MAP3K4: variants seen among roughly 807,000 people sequenced by gnomAD.
MAP3K4 encodes mitogen-activated protein kinase kinase kinase 4, also known as MAP three kinase 1.
In MAP3K4, 67 loss-of-function variants were observed where a neutral mutation model predicts 185.6. That is an observed-to-expected ratio of 0.36 (90% CI 0.30 to 0.44). The LOEUF (loss-of-function observed/expected upper bound fraction) is 0.44. Among genes scored for constraint, MAP3K4 ranks in the 20% least tolerant of loss-of-function variants. MAP3K4 has a pLI of 1.00. For missense variants in MAP3K4, 1,551 were observed against 1,995.1 expected (o/e 0.78, Z 4.24); for synonymous variants, 702 against 710.4 (o/e 0.99, Z 0.19).
rs1217097625 is a variant in MAP3K4, at chr6:161,103,076, A to G, written c.3856+297A>G. On this transcript the variant is annotated intron_variant, in intron 19 of 26. Transcript: ENST00000392142. This position sits in a 1 kb window ranked among gnomAD's most constrained non-coding sequence, Gnocchi z 4.6. ...TGTCCATGGTAGGAGTATAATAAAC[A>G]TTTGTGAAATAACCATTCATAAATT... Among the ~76,000 whole-genome samples the G allele has an allele frequency of 2.6e-5, 4 of 152,256 alleles. No homozygotes were observed. The highest frequency in any genetic ancestry group is 2.9e-5 in the Non-Finnish European group (2 of 68,050).
rs1431986189 is a variant in MAP3K4 at position 161,008,360 on chromosome 6, T to C, written c.152+16277T>C. Among the ~76,000 whole-genome samples the C allele has an allele frequency of 1.3e-5, 2 of 152,188 alleles. No homozygotes were observed. Among genetic ancestry groups the C allele is most frequent in the Non-Finnish European group, 2.9e-5 (2 of 68,020 alleles). On this transcript the variant is annotated intron_variant, in intron 1 of 26. Coordinates refer to ENST00000392142, the MANE Select transcript of MAP3K4 (RefSeq NM_005922.4). This position sits in a 1 kb window ranked among gnomAD's most constrained non-coding sequence, Gnocchi z 4.1. ...GTCTAGTCAAGATGTTTTATTAGAG[T>C]AAAATCCTGGAAATATAATTACTAT... is the stretch of plus-strand genomic sequence containing the variant.
Position 160,996,075 on chromosome 6 carries a change from G to A in MAP3K4, c.152+3992G>A, listed in dbSNP as rs142987543. On this transcript the variant is annotated intron_variant, in intron 1 of 26. Coordinates refer to ENST00000392142, the MANE Select transcript of MAP3K4 (RefSeq NM_005922.4). The surrounding 1 kb of genome is among the most constrained non-coding windows in gnomAD (Gnocchi z 4.5). ...TCCTAGGCAATTTGCTCTGCCTCTC[G>A]GCTTGAATGTCCACCTTGAGCCTGT... Among the ~76,000 whole-genome samples, 7 of 152,102 alleles carry A rather than the reference G, an allele frequency of 4.6e-5. No individual in the cohort carries two copies. The East Asian group carries it at 1.2e-3, about 25-fold the overall frequency.
rs768064802 is a variant in MAP3K4, at chr6:161,008,815, A to G, written c.152+16732A>G. Among the ~76,000 whole-genome samples, 8 of 152,010 alleles carry G rather than the reference A, an allele frequency of 5.3e-5. No individual in the cohort carries two copies. Among genetic ancestry groups the G allele is most frequent in the East Asian group, 1.9e-4 (1 of 5,186 alleles). ...TTTACATCTACTACTTTCACTCAGCATGGTGCTTGTGAGGTTCATCTATGT... is the reference window on the plus strand; with the variant it reads ...TTTACATCTACTACTTTCACTCAGCGTGGTGCTTGTGAGGTTCATCTATGT... On this transcript the variant is annotated intron_variant, in intron 1 of 26. Transcript: ENST00000392142. This position sits in a 1 kb window ranked among gnomAD's most constrained non-coding sequence, Gnocchi z 4.1.
Position 161,115,188 on chromosome 6 carries a change from A to T in MAP3K4, c.4692A>T (p.Pro1564=). 6.2e-7 allele frequency: 1 copy of T among 1,614,176 alleles called. No homozygotes were observed. The highest frequency in any genetic ancestry group is 1.1e-5 in the South Asian group (1 of 91,082). The change falls in exon 26 of 27, where the codon CCA becomes CCT. Residue 1564 remains proline (P), a synonymous_variant. Coordinates refer to ENST00000392142, the MANE Select transcript of MAP3K4 (RefSeq NM_005922.4). The surrounding 1 kb of genome is among the most constrained non-coding windows in gnomAD (Gnocchi z 6.0). ...ATAAAGTGGGGATGGGACATAAGCC[A>T]CCAATCCCTGAAAGATTAAGCCCTG... ...IMYKVGMGHK[P]PIPERLSPEG...
intron 1 of MAP3K4, among the ~76,000 whole-genome samples, chr6:161,005,538 G>A (rs1291543706): frequency 3.9e-5 from 6 of 152,076 alleles, no homozygotes; most frequent in African/African-American, 1.4e-4. Flanking sequence ...AGTATCAGAA[G>A]TTTTAAATTA....
chr6:161,049,030 C>G lies in MAP3K4; in HGVS notation c.758C>G (p.Ser253Cys). ...DREQRGQENT[S>C]GFWLNRSNEL... is the part of the protein sequence containing the mutation. ...GAGCAAAGAGGACAAGAAAATACGT[C>G]TGGTTTCTGGCTTAACCGATCTAAC... The change falls in exon 3 of 27, where the codon TCT (serine) becomes TGT (cysteine). Residue 253 changes from serine (S) to cysteine (C), a missense_variant. Physicochemically the swap from Ser to Cys is moderately radical, Grantham distance 112 (BLOSUM62 -1). This residue lies in a region of MAP3K4 where 69 missense variants were observed against 124.8 expected (regional missense o/e 0.55). Transcript: ENST00000392142. The surrounding 1 kb of genome is among the most constrained non-coding windows in gnomAD (Gnocchi z 8.4). 6.2e-7 allele frequency: 1 copy of G among 1,614,058 alleles called. No individual in the cohort carries two copies. Among genetic ancestry groups the G allele is most frequent in the Non-Finnish European group, 8.5e-7 (1 of 1,179,934 alleles).
In MAP3K4 at chr6:161,017,262, T is replaced by C. The variant is rs1333733521; in HGVS notation, c.153-16997T>C. The stretch of plus-strand genomic sequence containing the variant: ...ATTGAGTGTTTCCTGTCTTAATTAG[T>C]ATATTAGAATTTTTATTTCGATGAT... On this transcript the variant is annotated intron_variant, in intron 1 of 26. Coordinates refer to ENST00000392142, the MANE Select transcript of MAP3K4 (RefSeq NM_005922.4). The surrounding 1 kb of genome is among the most constrained non-coding windows in gnomAD (Gnocchi z 5.1). Among the ~76,000 whole-genome samples the C allele has an allele frequency of 6.6e-6, 1 of 152,136 alleles. No homozygotes were observed.
At position 161,115,347 on chromosome 6, in the gene MAP3K4, A is replaced by G; in HGVS notation, c.4806+45A>G. The G allele has an allele frequency of 1.3e-6, 2 of 1,540,558 alleles. No individual in the cohort carries two copies. Among genetic ancestry groups the G allele is most frequent in the Non-Finnish European group, 1.8e-6 (2 of 1,136,540 alleles). Reference sequence around the variant, plus strand: ...AGTCTTTTTCATGTTTAAGTGTTTAAGTTCTGTTTTGCATCAAGACGTTAA... The same window carrying G: ...AGTCTTTTTCATGTTTAAGTGTTTAGGTTCTGTTTTGCATCAAGACGTTAA... On this transcript the variant is annotated intron_variant, in intron 26 of 26. Transcript: ENST00000392142. This position sits in a 1 kb window ranked among gnomAD's most constrained non-coding sequence, Gnocchi z 6.0.
At chr6:161,044,792 A>T (rs1426007616) in intron 2 of MAP3K4, among the ~76,000 whole-genome samples, 1 of 152,180 alleles carries the variant, frequency 6.6e-6, no homozygotes, top group Non-Finnish European at 1.5e-5. Context: ...GCTTTTACTC[A>T]TGGTGGAAGG....
chr6:161,092,200 T>A, intron 13 of MAP3K4, 57 bp downstream of exon 13: 1 of 1,589,980 alleles, frequency 6.3e-7, no homozygotes, highest in South Asian at 1.1e-5. Flanking sequence ...TGGTATTTGT[T>A]CATATATGTT....
intron 3 of MAP3K4, among the ~76,000 whole-genome samples, chr6:161,059,238 C>T (rs1033602961): frequency 2.6e-5 from 4 of 151,974 alleles, no homozygotes; most frequent in South Asian, 2.1e-4. Flanking sequence ...CAAGTTCCAG[C>T]GATTCTCATG....
chr6:161,077,201 A>T lies in MAP3K4; in HGVS notation c.2097+3589A>T, dbSNP rs893143305. Reference sequence around the variant, plus strand: ...TTCATGATCATTGTTGCCTCTGGGGAGGGAGGAAAGAGATAGAAGTGAAGA... The same window carrying T: ...TTCATGATCATTGTTGCCTCTGGGGTGGGAGGAAAGAGATAGAAGTGAAGA... On this transcript the variant is annotated intron_variant, in intron 5 of 26. Coordinates refer to ENST00000392142, the MANE Select transcript of MAP3K4 (RefSeq NM_005922.4). The surrounding 1 kb of genome is among the most constrained non-coding windows in gnomAD (Gnocchi z 4.3). Among the ~76,000 whole-genome samples, 1 of 152,162 alleles carries T rather than the reference A, an allele frequency of 6.6e-6. No individual in the cohort carries two copies. Among genetic ancestry groups the T allele is most frequent in the African/African-American group, 2.4e-5 (1 of 41,432 alleles).
chr6:161,004,436 G>A (rs1188404398), intron 1 of MAP3K4, among the ~76,000 whole-genome samples: 1 of 152,158 alleles, frequency 6.6e-6, no homozygotes, highest in Non-Finnish European at 1.5e-5. Flanking sequence ...CATTTCTTCT[G>A]ACTTGACAAC....
At position 161,084,739 on chromosome 6, in the gene MAP3K4, A is replaced by G. The variant is rs927639156; in HGVS notation, c.2372+122A>G. On this transcript the variant is annotated intron_variant, in intron 7 of 26. Transcript: ENST00000392142. The surrounding 1 kb of genome is among the most constrained non-coding windows in gnomAD (Gnocchi z 4.6). ...GTTGGCCTGGAAGAATTTGGGCAGT[A>G]GATGTAAAGGGATTTATTTATAACT... is the stretch of plus-strand genomic sequence containing the variant. 17 of 564,326 alleles carry G rather than the reference A, an allele frequency of 3.0e-5. No homozygotes were observed. In the Admixed American group the frequency reaches 4.1e-4, roughly 14 times the overall value. The allele number at this position is 564,326 out of a possible 1,614,324, so 35.0% of individuals were successfully genotyped here.
rs572617773 is a variant in MAP3K4, at chr6:161,081,144, T to C, written c.2255+106T>C. ...GTTTGTATGTTTAGTTACATGAAAA[T>C]TGCAGTTATCCATATCTCATATGTG... On this transcript the variant is annotated intron_variant, in intron 6 of 26. Coordinates refer to ENST00000392142, the MANE Select transcript of MAP3K4 (RefSeq NM_005922.4). The C allele has an allele frequency of 2.5e-5, 32 of 1,276,734 alleles. No individual in the cohort carries two copies. The African/African-American group carries it at 4.5e-4, about 18-fold the overall frequency. The allele number at this position is 1,276,734 out of a possible 1,614,324, so 79.1% of individuals were successfully genotyped here.
At chr6:161,038,243 C>T (rs1783275095) in intron 2 of MAP3K4, among the ~76,000 whole-genome samples, 2 of 152,162 alleles carry the variant, frequency 1.3e-5, no homozygotes, top group African/African-American at 4.8e-5. Flanking sequence ...AGTACAGGCT[C>T]ATCTGGATGC....
At chr6:161,065,986 G>A (rs1231493795) in intron 3 of MAP3K4, among the ~76,000 whole-genome samples, 1 of 151,140 alleles carries the variant, frequency 6.6e-6, no homozygotes, top group Non-Finnish European at 1.5e-5. Flanking sequence ...TACCAGTTGA[G>A]CATCCCAAAT....
intron 1 of MAP3K4, among the ~76,000 whole-genome samples, chr6:161,021,915 A>G (rs1782415909): frequency 6.6e-6 from 1 of 152,048 alleles, no homozygotes; most frequent in African/African-American, 2.4e-5. Flanking sequence ...AATTATTAGA[A>G]TAAAGACCCA....
chr6:161,041,573 C>T (rs1419733284), intron 2 of MAP3K4, among the ~76,000 whole-genome samples: 1 of 152,214 alleles, frequency 6.6e-6, no homozygotes, highest in African/African-American at 2.4e-5. Context: ...GAGAGGACCA[C>T]GGCCATTGCA....
Sources: allele counts gnomAD v4.1 joint callset (sites outside exome capture counted in the v4.1 genomes callset), GRCh38; gene constraint gnomAD v4.1.1; regional missense constraint gnomAD v4.1.1; non-coding constraint Gnocchi (gnomAD v3.1); transcripts MANE v1.5; gene names NCBI Gene and HGNC (gene_info 2026-07-23, HGNC 2026-07-21).